The following WDR47 variants were observed in gnomAD, a reference collection of about 807,000 sequenced individuals.
WDR47 encodes WD repeat domain 47.
A neutral mutation model predicts 97.2 loss-of-function variants in WDR47; 32 were observed. That is an observed-to-expected ratio of 0.33 (90% confidence interval 0.25 to 0.44). The LOEUF is 0.44. Among genes scored for constraint, WDR47 ranks in the 20% least tolerant of loss-of-function variants. The probability of loss-of-function intolerance (pLI) is 1.00; values close to 1 mark genes in which losing one functional copy is unlikely to be tolerated. For missense variants in WDR47, 782 were observed against 1,102.3 expected (o/e 0.71, Z 4.11); for synonymous variants, 375 against 373.5 (o/e 1.00, Z -0.05).
At position 109,011,033 on chromosome 1, in the gene WDR47, GTT is replaced by G; in HGVS notation, c.1011_1012del (p.Lys337AsnfsTer10). ...AGCAAAGGAGTGTGACATTGGAGAA[GTT>G]TTGTTTCCAAGGTCTGAAATTCTCT... On this transcript the variant is annotated frameshift_variant, in exon 5 of 15. Transcript: ENST00000369962. LOFTEE classifies it high-confidence loss of function. The G allele has an allele frequency of 6.2e-7, 1 of 1,614,168 alleles. No individual in the cohort carries two copies. Among genetic ancestry groups the G allele is most frequent in the Non-Finnish European group, 8.5e-7 (1 of 1,180,030 alleles).
At chr1:108,995,289 G>C (rs1571176950) in intron 8 of WDR47, among the ~76,000 whole-genome samples, 1 of 152,104 alleles carries the variant, frequency 6.6e-6, no homozygotes, top group East Asian at 1.9e-4. Context: ...AGAAAATCAA[G>C]ATTTAGAGAT....
In WDR47 at chr1:108,978,302, C is replaced by T. The variant is rs182253003; in HGVS notation, c.2398+3431G>A. 3.3e-3 allele frequency among the ~76,000 whole-genome samples: 495 copies of T among 151,844 alleles called. 2 individuals are homozygous for T. The highest frequency in any genetic ancestry group is 6.0e-3 in the Non-Finnish European group (408 of 67,968). On this transcript the variant is annotated intron_variant, in intron 13 of 14. Transcript: ENST00000369962. Reference sequence around the variant, plus strand: ...CATCCTGGCTAACATGGTGAAACCCCGTCTCTACTAAAAAATATACAAAAA... The same window carrying T: ...CATCCTGGCTAACATGGTGAAACCCTGTCTCTACTAAAAAATATACAAAAA...
intron 7 of WDR47, 145 bp downstream of exon 7, chr1:109,002,079 C>T (rs1660247862): frequency 1.1e-6 from 1 of 916,504 alleles, no homozygotes; most frequent in Admixed American, 3.1e-5. Context: ...AATGCTGTGA[C>T]TAGAAAGCAA....
chr1:109,022,714 A>G (rs973662155), intron 2 of WDR47, among the ~76,000 whole-genome samples: 1 of 151,644 alleles, frequency 6.6e-6, no homozygotes. Flanking sequence ...CCTCCCGACT[A>G]GCTGGGATTA....
At chr1:109,039,808 G>A (rs544714436) in intron 1 of WDR47, among the ~76,000 whole-genome samples, 1 of 152,096 alleles carries the variant, frequency 6.6e-6, no homozygotes, top group African/African-American at 2.4e-5. Flanking sequence ...GCCCAAGGCG[G>A]GTGGATCACC....
chr1:109,029,533 G>T (rs1219457955), intron 1 of WDR47, among the ~76,000 whole-genome samples: 1 of 151,328 alleles, frequency 6.6e-6, no homozygotes, highest in African/African-American at 2.4e-5. Context: ...GGTGGTGCAT[G>T]CCTGTGGTCC....
intron 10 of WDR47, among the ~76,000 whole-genome samples, chr1:108,986,213 G>A: frequency 6.6e-6 from 1 of 151,776 alleles, no homozygotes; most frequent in East Asian, 1.9e-4. Flanking sequence ...AAATAAGGGG[G>A]GTCTACTATA....
At chr1:108,975,531 G>GA (rs151137207) in intron 13 of WDR47, among the ~76,000 whole-genome samples, 4,032 of 151,924 alleles carry the variant, frequency 0.027, 77 homozygotes, top group Non-Finnish European at 0.037. Flanking sequence ...TGAGGCAGGA[G>GA]AATCGCTTCA....
chr1:109,013,527 C>CA (rs1661197532), intron 4 of WDR47, among the ~76,000 whole-genome samples: 1 of 151,814 alleles, frequency 6.6e-6, no homozygotes, highest in East Asian at 1.9e-4. Flanking sequence ...CAACCCACTT[C>CA]CGGGATTTAA....
At chr1:108,975,795 A>G (rs1657845149) in intron 13 of WDR47, among the ~76,000 whole-genome samples, 1 of 152,084 alleles carries the variant, frequency 6.6e-6, no homozygotes, top group Non-Finnish European at 1.5e-5. Flanking sequence ...AAATAAGAGT[A>G]TGTATGTATG....
At position 109,023,335 on chromosome 1, in the gene WDR47, A is replaced by G; in HGVS notation, c.158+20T>C. 1 of 1,606,724 alleles carries G rather than the reference A, an allele frequency of 6.2e-7. No homozygotes were observed. Among genetic ancestry groups the G allele is most frequent in the East Asian group, 2.2e-5 (1 of 44,774 alleles). On this transcript the variant is annotated intron_variant, in intron 2 of 14. Coordinates refer to ENST00000369962, the MANE Select transcript of WDR47 (RefSeq NM_001142551.2). ...TTTCTTCGAAGGAGCTACAAACTTCACAGTATAATGAAATCATACCTCAGG... is the reference window on the plus strand; with the variant it reads ...TTTCTTCGAAGGAGCTACAAACTTCGCAGTATAATGAAATCATACCTCAGG...
intron 5 of WDR47, among the ~76,000 whole-genome samples, chr1:109,008,046 G>A (rs148316766): frequency 0.052 from 7,840 of 151,520 alleles, 291 homozygotes; most frequent in South Asian, 0.1. Flanking sequence ...AGGTTGCAGT[G>A]AGCCGAGATC....
At chr1:109,019,620 G>C (rs1255649554) in intron 2 of WDR47, among the ~76,000 whole-genome samples, 1 of 152,064 alleles carries the variant, frequency 6.6e-6, no homozygotes, top group Non-Finnish European at 1.5e-5. Context: ...TACAACAAAG[G>C]ACAACCCTCC....
chr1:108,977,984 CAAA>C (rs953176965), intron 13 of WDR47, among the ~76,000 whole-genome samples: 17 of 105,742 alleles, frequency 1.6e-4, no homozygotes, highest in Non-Finnish European at 1.4e-4. Flanking sequence ...AACACTCTCT[CAAA>C]AAAAAAAAAA....
At chr1:109,025,632 G>A (rs2102008637) in intron 1 of WDR47, among the ~76,000 whole-genome samples, 1 of 151,962 alleles carries the variant, frequency 6.6e-6, no homozygotes, top group East Asian at 1.9e-4. Context: ...TACTTGGGAG[G>A]CTGAGGCAGG....
chr1:109,006,761 T>C (rs1345049614), intron 5 of WDR47, among the ~76,000 whole-genome samples: 1 of 152,188 alleles, frequency 6.6e-6, no homozygotes, highest in Non-Finnish European at 1.5e-5. Context: ...CTGAAATACA[T>C]GCATTTCAAG....
intron 5 of WDR47, among the ~76,000 whole-genome samples, chr1:109,005,563 C>T (rs1469847283): frequency 6.6e-6 from 1 of 152,088 alleles, no homozygotes; most frequent in Non-Finnish European, 1.5e-5. Context: ...AGAGTGAGAG[C>T]AGGGACTACA....
At chr1:109,027,723 C>G (rs892235374) in intron 1 of WDR47, among the ~76,000 whole-genome samples, 1 of 151,966 alleles carries the variant, frequency 6.6e-6, no homozygotes, top group Non-Finnish European at 1.5e-5. Flanking sequence ...GGGGTTTCAC[C>G]ATCTTGGCAG....
chr1:109,002,162 A>G, intron 7 of WDR47, 62 bp downstream of exon 7: 3 of 1,453,394 alleles, frequency 2.1e-6, no homozygotes, highest in Non-Finnish European at 2.7e-6. Context: ...AGTAGCAGTT[A>G]TTGCATGTTT....
Sources: gnomAD v4.1 joint callset for allele counts (sites outside exome capture counted in the v4.1 genomes callset) on GRCh38, gnomAD v4.1.1 for gene constraint, MANE v1.5 for transcripts, NCBI Gene and HGNC (gene_info 2026-07-23, HGNC 2026-07-21) for gene names.